Variants in WDR53 observed in about 807,000 individuals in gnomAD.
The protein encoded by WDR53 is WD repeat-containing protein 53.
In WDR53, 19 loss-of-function variants were observed where a neutral mutation model predicts 21.3. The observed-to-expected ratio is 0.89, with a 90% CI of 0.62 to 1.31. The LOEUF is 1.31. WDR53 is among the 50% of genes most tolerant of loss of function. The pLI is 0.00. For missense variants in WDR53, 374 were observed against 423.2 expected, an observed-to-expected ratio of 0.88 and a Z score of 1.02; for synonymous variants, 157 against 163.4, an observed-to-expected ratio of 0.96 and a Z score of 0.30.
rs1220529694 is a variant in WDR53, at chr3:196,554,619, G to A, written c.669C>T (p.Ile223=). 6.2e-7 allele frequency: 1 copy of A among 1,614,116 alleles called. No homozygotes were observed. Among genetic ancestry groups the A allele is most frequent in the African/African-American group, 1.3e-5 (1 of 75,008 alleles). The change falls in exon 4 of 4, where the codon ATC becomes ATT. Residue 223 remains isoleucine (I), a synonymous_variant. Coordinates refer to ENST00000332629, the MANE Select transcript of WDR53 (RefSeq NM_182627.3). ...CACACTTAACTCCCATCACCCGAAA[G>A]ATTCGAACCTTACCATCTTCTGCAC... The part of the protein sequence containing the change: ...SCGAEDGKVR[I]FRVMGVKCEQ...
chr3:196,556,159 C>T (rs1293785356), intron 3 of WDR53, among the ~76,000 whole-genome samples: 3 of 151,998 alleles, frequency 2.0e-5, no homozygotes, highest in African/African-American at 7.3e-5. Flanking sequence ...GATCCTTCCA[C>T]CTCAGCCTCC....
At chr3:196,567,692 G>A (rs901666873) in intron 1 of WDR53, among the ~76,000 whole-genome samples, 20 of 151,942 alleles carry the variant, frequency 1.3e-4, no homozygotes, top group African/African-American at 4.4e-4. Context: ...TTTAAAGGCT[G>A]TCGGAAAACT....
intron 2 of WDR53, among the ~76,000 whole-genome samples, chr3:196,565,810 G>A (rs989443905): frequency 3.3e-5 from 5 of 152,140 alleles, no homozygotes; most frequent in Non-Finnish European, 7.4e-5. Flanking sequence ...AATTAAAGTT[G>A]GGTTAAATCA....
chr3:196,561,253 T>C lies in WDR53; in HGVS notation c.223A>G (p.Ile75Val), dbSNP rs759700842. The change falls in exon 3 of 4, where the codon ATT becomes GTT. Residue 75 changes from isoleucine (I) to valine (V), a missense_variant. Ile to Val is a conservative substitution (Grantham distance 29). Transcript: ENST00000332629. ...TKLYASHGET[I>V]SVLDVRSLKD... ...AGGGACCTGACATCCAGTACACTAATGGTTTCTCCATGTGAGGCATAGAGC... is the reference window on the plus strand; with the variant it reads ...AGGGACCTGACATCCAGTACACTAACGGTTTCTCCATGTGAGGCATAGAGC... The C allele has an allele frequency of 1.2e-6, 2 of 1,614,210 alleles. No individual in the cohort carries two copies. Among genetic ancestry groups the C allele is most frequent in the Non-Finnish European group, 1.7e-6 (2 of 1,180,044 alleles).
Position 196,559,906 on chromosome 3 carries a change from G to T in WDR53, c.480+1090C>A, listed in dbSNP as rs533508258. On this transcript the variant is annotated intron_variant, in intron 3 of 3. Coordinates refer to ENST00000332629, the MANE Select transcript of WDR53 (RefSeq NM_182627.3). The stretch of plus-strand genomic sequence containing the variant: ...TTTATTAAAAAAAATAACTAGGAGG[G>T]TGTGATTAGAATTAAAACTAATATA... 3.3e-5 allele frequency among the ~76,000 whole-genome samples: 5 copies of T among 152,210 alleles called. No homozygotes were observed. In the East Asian group the frequency reaches 7.7e-4, roughly 23 times the overall value.
chr3:196,557,779 C>T (rs866831984), intron 3 of WDR53, among the ~76,000 whole-genome samples: 64 of 127,886 alleles, frequency 5.0e-4, no homozygotes, highest in African/African-American at 1.3e-3. Flanking sequence ...AATTTTTTTT[C>T]TTTTCTTTTT....
intron 2 of WDR53, among the ~76,000 whole-genome samples, chr3:196,564,609 C>T (rs1018152682): frequency 1.3e-5 from 2 of 152,012 alleles, no homozygotes; most frequent in African/African-American, 4.8e-5. Context: ...GTGATCCTCC[C>T]GTCTCAGCCT....
At chr3:196,564,143 C>G (rs972566223) in intron 2 of WDR53, among the ~76,000 whole-genome samples, 2 of 152,012 alleles carry the variant, frequency 1.3e-5, no homozygotes, top group South Asian at 4.1e-4. Flanking sequence ...ACAGGGAGCC[C>G]TGGTGGTTTG....
chr3:196,554,699 G>C lies in WDR53; in HGVS notation c.589C>G (p.Pro197Ala), dbSNP rs761288218. ...GPQSPGQLLNPALAHSISVAS... is the reference protein window; with the variant it reads ...GPQSPGQLLNAALAHSISVAS... ...ACAGAGATAGAATGGGCTAGGGCAG[G>C]GTTTAAGAGCTGACCAGGTGACTGT... Residue 197 changes from proline to alanine, a missense_variant, in exon 4 of 4, where the codon CCT (proline) becomes GCT (alanine). Coordinates refer to ENST00000332629, the MANE Select transcript of WDR53 (RefSeq NM_182627.3). 2 of 1,614,118 alleles carry C rather than the reference G, an allele frequency of 1.2e-6. No homozygotes were observed. Among genetic ancestry groups the C allele is most frequent in the South Asian group, 2.2e-5 (2 of 91,082 alleles).
In WDR53 at chr3:196,567,046, T is replaced by A. The variant is rs760158772; in HGVS notation, c.-186A>T. 12 of 403,240 alleles carry A rather than the reference T, an allele frequency of 3.0e-5. No individual in the cohort carries two copies. The highest frequency in any genetic ancestry group is 5.5e-5 in the Non-Finnish European group (11 of 200,796). 25.0% of individuals were successfully genotyped at this position (403,240 alleles called of 1,614,324 possible). ...TAAAAACTGAGTGATCTCTAAACAC[T>A]CTGCACTAGTCATACCACCACCGTC... On this transcript the variant is annotated 5_prime_UTR_variant, in exon 2 of 4. Transcript: ENST00000332629.
intron 3 of WDR53, 128 bp downstream of exon 3, chr3:196,560,868 T>G: frequency 8.5e-7 from 1 of 1,177,530 alleles, no homozygotes; most frequent in Non-Finnish European, 1.2e-6. Context: ...GAAATAAGGC[T>G]TATTGTTCAT....
intron 2 of WDR53, among the ~76,000 whole-genome samples, chr3:196,562,410 C>T (rs1462844557): frequency 6.6e-6 from 1 of 152,152 alleles, no homozygotes; most frequent in South Asian, 2.1e-4. Context: ...AACAGGCACC[C>T]GGCACCATGC....
chr3:196,565,500 G>T (rs1284509076), intron 2 of WDR53, among the ~76,000 whole-genome samples: 1 of 151,670 alleles, frequency 6.6e-6, no homozygotes, highest in Admixed American at 6.6e-5. Flanking sequence ...GGGAGGTGGA[G>T]GTTGCAGTGG....
At chr3:196,555,686 A>G (rs1177912919) in intron 3 of WDR53, among the ~76,000 whole-genome samples, 1 of 152,242 alleles carries the variant, frequency 6.6e-6, no homozygotes. Flanking sequence ...TCCCTGAATT[A>G]TAACTCACAA....
chr3:196,564,341 T>C (rs1365090080), intron 2 of WDR53, among the ~76,000 whole-genome samples: 1 of 152,136 alleles, frequency 6.6e-6, no homozygotes, highest in Non-Finnish European at 1.5e-5. Context: ...TATTGAAAAG[T>C]CAATTTAAGT....
intron 3 of WDR53, among the ~76,000 whole-genome samples, chr3:196,558,650 G>A (rs750571892): frequency 2.0e-5 from 3 of 152,220 alleles, no homozygotes; most frequent in Non-Finnish European, 4.4e-5. Flanking sequence ...TGTTTGCTCA[G>A]AGAGAAGTAA....
intron 2 of WDR53, among the ~76,000 whole-genome samples, chr3:196,565,015 G>A (rs550373565): frequency 1.1e-4 from 17 of 152,194 alleles, no homozygotes; most frequent in Non-Finnish European, 2.1e-4. Flanking sequence ...GTTTTGCTCC[G>A]AAGTGTGAGA....
chr3:196,564,800 G>A (rs1394172367), intron 2 of WDR53, among the ~76,000 whole-genome samples: 1 of 152,158 alleles, frequency 6.6e-6, no homozygotes, highest in African/African-American at 2.4e-5. Context: ...GTGCATACAG[G>A]TTTTGGATCC....
In WDR53 at chr3:196,554,893, G is replaced by A. The variant is rs1734194728; in HGVS notation, c.481-86C>T. The A allele has an allele frequency of 1.5e-5, 17 of 1,127,728 alleles. No individual in the cohort carries two copies. In the South Asian group the frequency reaches 1.8e-4, roughly 12 times the overall value. The allele number at this position is 1,127,728 out of a possible 1,614,324, so 69.9% of individuals were successfully genotyped here. A position where few individuals can be genotyped will look rare whatever the true frequency, so the allele number is the denominator to read the frequency against. On this transcript the variant is annotated intron_variant, in intron 3 of 3. Coordinates refer to ENST00000332629, the MANE Select transcript of WDR53 (RefSeq NM_182627.3). ...TGCTTATTCAGCTTCTAATAAAATC[G>A]TTAAAGTAGTCTGAGAATGAGCAGT...
Sources: allele counts gnomAD v4.1 joint callset (sites outside exome capture counted in the v4.1 genomes callset), GRCh38; gene constraint gnomAD v4.1.1; transcripts MANE v1.5; gene names NCBI Gene and HGNC (gene_info 2026-07-23, HGNC 2026-07-21).